CORO2B: variants seen among roughly 807,000 people sequenced by gnomAD.
CORO2B encodes coronin 2B.
A neutral mutation model predicts 58.8 loss-of-function variants in CORO2B; 26 were observed. The observed-to-expected ratio is 0.44, with a 90% CI of 0.32 to 0.61. CORO2B has a LOEUF of 0.61. CORO2B is among the 20% of genes least tolerant of loss of function. The probability of loss-of-function intolerance (pLI) is 0.04; values close to 1 mark genes in which losing one functional copy is unlikely to be tolerated. For synonymous variants in CORO2B, 242 were observed against 253.8 expected (o/e 0.95, Z 0.44); for missense variants, 460 against 645.1 (o/e 0.71, Z 3.11).
At chr15:68,601,136 A>G (rs1899971542) in intron 1 of CORO2B, among the ~76,000 whole-genome samples, 2 of 152,258 alleles carry the variant, frequency 1.3e-5, no homozygotes, top group South Asian at 4.1e-4. Flanking sequence ...TAGCCATTGG[A>G]AAAGCTGTCC....
chr15:68,676,964 AG>A, intron 2 of CORO2B, among the ~76,000 whole-genome samples: 1 of 151,956 alleles, frequency 6.6e-6, no homozygotes, highest in Non-Finnish European at 1.5e-5. Flanking sequence ...TTGTAGAGAC[AG>A]GTTTCACTGT....
intron 1 of CORO2B, among the ~76,000 whole-genome samples, chr15:68,589,643 A>G (rs1899650278): frequency 6.6e-6 from 1 of 152,222 alleles, no homozygotes; most frequent in South Asian, 2.1e-4. Context: ...GGGTTTTCCA[A>G]TTCTGTGGGT....
chr15:68,554,250 A>T, the CORO2B span, among the ~76,000 whole-genome samples: 1 of 152,064 alleles, frequency 6.6e-6, no homozygotes, highest in African/African-American at 2.4e-5. Context: ...TGAGTGGACT[A>T]GACTCACAGG....
intron 1 of CORO2B, among the ~76,000 whole-genome samples, chr15:68,585,171 C>T (rs1899520149): frequency 1.3e-5 from 2 of 152,196 alleles, no homozygotes; most frequent in Non-Finnish European, 2.9e-5. Flanking sequence ...TGAATCCCAT[C>T]AGCTCTGTCA....
chr15:68,660,976 C>CTTTTTTTT (rs57270255), intron 2 of CORO2B, among the ~76,000 whole-genome samples: 1 of 147,220 alleles, frequency 6.8e-6, no homozygotes, highest in Non-Finnish European at 1.5e-5. Context: ...TGTAATGAGT[C>CTTTTTTTT]TTTTTTTTTT....
chr15:68,541,028 G>C, the CORO2B span, among the ~76,000 whole-genome samples: 7 of 152,150 alleles, frequency 4.6e-5, no homozygotes, highest in Admixed American at 2.0e-4. Flanking sequence ...TCAGCAGTTC[G>C]AGACCAGCCT....
At chr15:68,650,543 C>T (rs1360735070) in intron 2 of CORO2B, among the ~76,000 whole-genome samples, 3 of 152,108 alleles carry the variant, frequency 2.0e-5, no homozygotes, top group Non-Finnish European at 4.4e-5. Context: ...ACCTGGGAGC[C>T]GGAAGTTGTA....
Position 68,579,127 on chromosome 15 carries a change from C to T in CORO2B, c.-136C>T, listed in dbSNP as rs1390706412. ...CGCTGCCCGCCCGGAGCGCAGCCCC[C>T]AGGCTCGGCCGAGCCGCCGGCGGGG... On this transcript the variant is annotated 5_prime_UTR_variant, in exon 1 of 12. Transcript: ENST00000261861. The T allele has an allele frequency of 3.1e-6, 3 of 981,968 alleles. No homozygotes were observed. The highest frequency in any genetic ancestry group is 3.6e-6 in the Non-Finnish European group (3 of 828,568). 60.8% of individuals were successfully genotyped at this position (981,968 alleles called of 1,614,324 possible).
At chr15:68,534,313 C>T in the CORO2B span, among the ~76,000 whole-genome samples, 151 of 152,354 alleles carry the variant, frequency 9.9e-4, no homozygotes, top group African/African-American at 3.6e-3. Flanking sequence ...CACATGCACA[C>T]ACTTGCATAC....
At chr15:68,556,809 G>A in the CORO2B span, among the ~76,000 whole-genome samples, 1 of 152,202 alleles carries the variant, frequency 6.6e-6, no homozygotes, top group Non-Finnish European at 1.5e-5. Context: ...ACGTGACCTT[G>A]TCATGGAGCC....
chr15:68,554,185 G>T, the CORO2B span, among the ~76,000 whole-genome samples: 2 of 152,140 alleles, frequency 1.3e-5, no homozygotes. Context: ...ACAGATTTTG[G>T]CTTTGCCAGT....
Position 68,719,543 on chromosome 15 carries a change from A to T in CORO2B, c.1302A>T (p.Thr434=). ...TATTAGAAAATGTCCCACCCAGGAC[A>T]GAGAATGAGGTAAGGAATGTAAGTT... ...IDLLENVPPR[T]ENELLRMFFR... The change falls in exon 11 of 12, where the codon ACA becomes ACT. Residue 434 remains threonine (T), a synonymous_variant. Transcript: ENST00000261861. 1 of 1,613,518 alleles carries T rather than the reference A, an allele frequency of 6.2e-7. No individual in the cohort carries two copies.
Position 68,614,573 on chromosome 15 carries a change from G to C in CORO2B, c.16-30587G>C, listed in dbSNP as rs188257414. The stretch of plus-strand genomic sequence containing the variant: ...GAAAAGACATGGGGACTAAGACAAG[G>C]AGAGCTCCTGAATGACTTTAGAGGG... On this transcript the variant is annotated intron_variant, in intron 1 of 11. Coordinates refer to ENST00000261861, the MANE Select transcript of CORO2B (RefSeq NM_006091.5). Among the ~76,000 whole-genome samples the C allele has an allele frequency of 5.3e-5, 8 of 152,328 alleles. No homozygotes were observed. The East Asian group carries it at 1.5e-3, about 29-fold the overall frequency.
At chr15:68,636,149 T>C (rs1181616540) in intron 1 of CORO2B, among the ~76,000 whole-genome samples, 1 of 152,220 alleles carries the variant, frequency 6.6e-6, no homozygotes, top group Non-Finnish European at 1.5e-5. Flanking sequence ...GTAGAATGCT[T>C]AGCTCATCGT....
Position 68,632,087 on chromosome 15 carries a change from C to T in CORO2B, c.16-13073C>T, listed in dbSNP as rs1475623331. ...CAGGCCTCTCAGATGCCTGGAATTTCGGAGCTAGAAGGTAGTCAGATTCCC... is the reference window on the plus strand; with the variant it reads ...CAGGCCTCTCAGATGCCTGGAATTTTGGAGCTAGAAGGTAGTCAGATTCCC... On this transcript the variant is annotated intron_variant, in intron 1 of 11. Transcript: ENST00000261861. 4 of 985,364 alleles carry T rather than the reference C, an allele frequency of 4.1e-6. No homozygotes were observed. The East Asian group carries it at 3.4e-4, about 84-fold the overall frequency. 61.0% of individuals were successfully genotyped at this position (985,364 alleles called of 1,614,324 possible).
At chr15:68,580,828 C>T (rs1253951738) in intron 1 of CORO2B, among the ~76,000 whole-genome samples, 1 of 151,868 alleles carries the variant, frequency 6.6e-6, no homozygotes, top group Non-Finnish European at 1.5e-5. Flanking sequence ...AGCGCCTCCC[C>T]TGTGTCTCTT....
At position 68,699,989 on chromosome 15, in the gene CORO2B, C is replaced by T. The variant is rs183342438; in HGVS notation, c.333+4733C>T. Among the ~76,000 whole-genome samples, 6 of 152,286 alleles carry T rather than the reference C, an allele frequency of 3.9e-5. No individual in the cohort carries two copies. The East Asian group carries it at 9.6e-4, about 24-fold the overall frequency. ...GGGAAAGCACAGGAGAGGCATCCCC[C>T]GCTGCAGCCTGGGAGGGGGTGGGGC... On this transcript the variant is annotated intron_variant, in intron 3 of 11. Coordinates refer to ENST00000261861, the MANE Select transcript of CORO2B (RefSeq NM_006091.5).
intron 3 of CORO2B, among the ~76,000 whole-genome samples, chr15:68,703,511 G>GT (rs1247448992): frequency 2.0e-5 from 3 of 152,122 alleles, no homozygotes; most frequent in Admixed American, 6.5e-5. Context: ...AGATTTGTTT[G>GT]TTTTTTGAAG....
At chr15:68,535,268 C>T in the CORO2B span, among the ~76,000 whole-genome samples, 14,213 of 152,250 alleles carry the variant, frequency 0.093, 806 homozygotes, top group Non-Finnish European at 0.13. Flanking sequence ...TCTGCCTCAA[C>T]GCTGGAGGCA....
Sources: gnomAD v4.1 joint callset for allele counts (sites outside exome capture counted in the v4.1 genomes callset) on GRCh38, gnomAD v4.1.1 for gene constraint, MANE v1.5 for transcripts, NCBI Gene and HGNC (gene_info 2026-07-23, HGNC 2026-07-21) for gene names.